Variants in UBA6 observed in about 807,000 individuals in gnomAD.
UBA6 encodes the protein ubiquitin-like modifier-activating enzyme 6.
Under a neutral mutation model 148.3 loss-of-function variants are expected in UBA6, and 87 were observed. The observed-to-expected ratio is 0.59, with a 90% CI of 0.49 to 0.70. The LOEUF (loss-of-function observed/expected upper bound fraction) is 0.70, where lower values mean the gene tolerates loss of function less well. Among genes scored for constraint, UBA6 ranks in the 30% least tolerant of loss-of-function variants. UBA6 has a pLI of 0.00. For missense variants in UBA6, 1,186 were observed against 1,241.2 expected (o/e 0.96, Z 0.67); for synonymous variants, 376 against 401.0 (o/e 0.94, Z 0.75).
chr4:67,666,643 A>G (rs889935047), intron 9 of UBA6, among the ~76,000 whole-genome samples: 9 of 152,272 alleles, frequency 5.9e-5, no homozygotes, highest in African/African-American at 1.9e-4. Flanking sequence ...TGGGCAGCCA[A>G]GGCGAGAGGA....
chr4:67,656,322 CTTATCCA>C (rs1336435058), intron 13 of UBA6, among the ~76,000 whole-genome samples: 1 of 152,186 alleles, frequency 6.6e-6, no homozygotes, highest in African/African-American at 2.4e-5. Flanking sequence ...CATCAAAAAG[CTTATCCA>C]ACATGATCAA....
intron 9 of UBA6, among the ~76,000 whole-genome samples, chr4:67,666,897 C>T (rs1015954070): frequency 2.0e-5 from 3 of 151,356 alleles, no homozygotes; most frequent in Admixed American, 6.6e-5. Flanking sequence ...AAAAAACAAA[C>T]GAAAAAACAA....
chr4:67,682,757 T>C (rs1007106473), intron 2 of UBA6, among the ~76,000 whole-genome samples: 1 of 152,198 alleles, frequency 6.6e-6, no homozygotes, highest in African/African-American at 2.4e-5. Flanking sequence ...AAGTCTGATA[T>C]AGTAATAAAG....
chr4:67,635,001 C>T (rs1407160337), intron 20 of UBA6, among the ~76,000 whole-genome samples: 1 of 152,004 alleles, frequency 6.6e-6, no homozygotes, highest in Admixed American at 6.6e-5. Flanking sequence ...TGGTAAATAC[C>T]TAAGTCGTTT....
At chr4:67,649,299 C>G in intron 13 of UBA6, 88 bp from the exon 14 acceptor site, 1 of 1,288,146 alleles carries the variant, frequency 7.8e-7, no homozygotes, top group South Asian at 1.7e-5. Context: ...AGAATTAGAA[C>G]TTAACTTCTA....
rs1008852755 is a variant in UBA6 at position 67,637,662 on chromosome 4, C to T, written c.1736+1281G>A. 2.6e-5 allele frequency among the ~76,000 whole-genome samples: 4 copies of T among 152,150 alleles called. No individual in the cohort carries two copies. In the East Asian group the frequency reaches 5.8e-4, roughly 22 times the overall value. On this transcript the variant is annotated intron_variant, in intron 19 of 32. Coordinates refer to ENST00000322244, the MANE Select transcript of UBA6 (RefSeq NM_018227.6). Reference sequence around the variant, plus strand: ...AGCCCCAACCCGGTGCTCTCTGAAACGTGTGCTGTGTCCACTCAGGGTTAA... The same window carrying T: ...AGCCCCAACCCGGTGCTCTCTGAAATGTGTGCTGTGTCCACTCAGGGTTAA...
chr4:67,665,833 C>T (rs1253212305), intron 9 of UBA6, among the ~76,000 whole-genome samples: 1 of 152,032 alleles, frequency 6.6e-6, no homozygotes, highest in Non-Finnish European at 1.5e-5. Flanking sequence ...AAAAAAGATG[C>T]TCATAATTTC....
chr4:67,700,323 A>T (rs756304109), intron 1 of UBA6, among the ~76,000 whole-genome samples: 57 of 152,312 alleles, frequency 3.7e-4, no homozygotes, highest in Middle Eastern at 6.8e-3. Context: ...TATCTTTGGC[A>T]TGGTGTATTC....
rs1189808996 is a variant in UBA6 at position 67,618,913 on chromosome 4, A to G, written c.*84T>C. 7.3e-7 allele frequency: 1 copy of G among 1,369,536 alleles called. No homozygotes were observed. The highest frequency in any genetic ancestry group is 1.0e-6 in the Non-Finnish European group (1 of 988,976). The allele number at this position is 1,369,536 out of a possible 1,614,324, so 84.8% of individuals were successfully genotyped here. A position where few individuals can be genotyped will look rare whatever the true frequency, so the allele number is the denominator to read the frequency against. On this transcript the variant is annotated 3_prime_UTR_variant, in exon 33 of 33. Coordinates refer to ENST00000322244, the MANE Select transcript of UBA6 (RefSeq NM_018227.6). ...TAATGAAAGAGAAATCCATAGTATT[A>G]TGAACTGATTTTCTTTAGCTTCTGA...
chr4:67,622,704 A>G, intron 32 of UBA6, 127 bp downstream of exon 32: 1 of 644,476 alleles, frequency 1.6e-6, no homozygotes, highest in Non-Finnish European at 2.5e-6. Context: ...CACTGTCTTT[A>G]TTAATGTCAT....
intron 13 of UBA6, among the ~76,000 whole-genome samples, chr4:67,658,690 A>T (rs1466752972): frequency 6.6e-6 from 1 of 152,034 alleles, no homozygotes; most frequent in East Asian, 1.9e-4. Context: ...GTTAAAAGTT[A>T]AAAAAAATGA....
At chr4:67,626,137 T>C (rs1179766330) in intron 28 of UBA6, among the ~76,000 whole-genome samples, 1 of 151,936 alleles carries the variant, frequency 6.6e-6, no homozygotes, top group Non-Finnish European at 1.5e-5. Context: ...TAATGTGATT[T>C]GGAGAATTAG....
chr4:67,657,041 C>T (rs1207379596), intron 13 of UBA6, among the ~76,000 whole-genome samples: 2 of 152,136 alleles, frequency 1.3e-5, no homozygotes, highest in Non-Finnish European at 2.9e-5. Context: ...AGGACACAAA[C>T]AAATGGAAGA....
intron 13 of UBA6, 181 bp downstream of exon 13, chr4:67,662,008 C>T (rs1328731354): frequency 1.7e-5 from 9 of 535,090 alleles, no homozygotes; most frequent in Non-Finnish European, 2.3e-5. Flanking sequence ...TCACAATAAC[C>T]CTATGAAGGT....
chr4:67,643,649 G>C (rs1729357411), intron 17 of UBA6, among the ~76,000 whole-genome samples: 3 of 151,758 alleles, frequency 2.0e-5, no homozygotes, highest in African/African-American at 7.3e-5. Context: ...CTTCTCTCTT[G>C]GTTCCTGGGA....
rs114430457 is a variant in UBA6 at position 67,667,636 on chromosome 4, A to G, written c.793+915T>C. ...CCCTAAATAGGTGTAAGCATGCCAT[A>G]TAGTTATGCGTTGTCCAGTACTTTG... On this transcript the variant is annotated intron_variant, in intron 9 of 32. Coordinates refer to ENST00000322244, the MANE Select transcript of UBA6 (RefSeq NM_018227.6). Among the ~76,000 whole-genome samples the G allele has an allele frequency of 2.1e-3, 321 of 152,040 alleles. 2 individuals carry two copies. The highest frequency in any genetic ancestry group is 7.3e-3 in the African/African-American group (301 of 41,284).
intron 18 of UBA6, 50 bp from the exon 19 acceptor site, chr4:67,639,174 A>C: frequency 2.1e-6 from 3 of 1,436,756 alleles, no homozygotes; most frequent in Non-Finnish European, 2.8e-6. Flanking sequence ...CAAAAAAAGG[A>C]CTATGATTTT....
chr4:67,619,138 A>G lies in UBA6; in HGVS notation c.3024-6T>C, dbSNP rs200672403. On this transcript the variant is annotated splice_polypyrimidine_tract_variant and splice_region_variant and intron_variant, in intron 32 of 32. Transcript: ENST00000322244. Reference sequence around the variant, plus strand: ...GTTTTACAAGTTTATGCATTCTAAGAAAAATAAGCAAGAATGAATACTTTG... The same window carrying G: ...GTTTTACAAGTTTATGCATTCTAAGGAAAATAAGCAAGAATGAATACTTTG... 1.2e-4 allele frequency: 186 copies of G among 1,585,756 alleles called. No individual in the cohort carries two copies. The highest frequency in any genetic ancestry group is 1.2e-4 in the Non-Finnish European group (139 of 1,159,136).
chr4:67,694,635 G>A (rs1458762508), intron 2 of UBA6, among the ~76,000 whole-genome samples: 1 of 152,020 alleles, frequency 6.6e-6, no homozygotes. Flanking sequence ...CTGACCTCGT[G>A]ATCCACCCGC....
Sources: gnomAD v4.1 joint callset for allele counts (sites outside exome capture counted in the v4.1 genomes callset) on GRCh38, gnomAD v4.1.1 for gene constraint, MANE v1.5 for transcripts, NCBI Gene and HGNC (gene_info 2026-07-23, HGNC 2026-07-21) for gene names.